PPP2R3C: variants seen among roughly 807,000 people sequenced by gnomAD.
The protein encoded by PPP2R3C is serine/threonine-protein phosphatase 2A regulatory subunit B'' subunit gamma.
In PPP2R3C, 47 loss-of-function variants were observed where a neutral mutation model predicts 63.7. That is an observed-to-expected ratio of 0.74 (90% CI 0.58 to 0.94). The LOEUF (loss-of-function observed/expected upper bound fraction) is 0.94, where lower values mean the gene tolerates loss of function less well. Ranked by LOEUF, PPP2R3C falls within the 40% of genes least tolerant of loss-of-function variation. The pLI is 0.00. For missense variants in PPP2R3C, 421 were observed against 518.4 expected, an observed-to-expected ratio of 0.81 and a Z score of 1.82; for synonymous variants, 180 against 177.4, an observed-to-expected ratio of 1.01 and a Z score of -0.12.
At chr14:35,118,778 T>C (rs1308181546) in intron 1 of PPP2R3C, among the ~76,000 whole-genome samples, 1 of 150,238 alleles carries the variant, frequency 6.7e-6, no homozygotes, top group Non-Finnish European at 1.5e-5. Context: ...CTCAGCCTCC[T>C]GAGTAGCTGG....
chr14:35,103,466 T>C (rs2046257984), intron 6 of PPP2R3C, among the ~76,000 whole-genome samples: 2 of 152,326 alleles, frequency 1.3e-5, no homozygotes, highest in African/African-American at 4.8e-5. Context: ...ATCCCAGTCA[T>C]ATTCCTGCCT....
chr14:35,120,163 G>A (rs547641329), intron 1 of PPP2R3C, among the ~76,000 whole-genome samples: 4 of 150,856 alleles, frequency 2.7e-5, no homozygotes, highest in African/African-American at 7.3e-5. Flanking sequence ...TAACAGTGAA[G>A]CCAGAGTGTA....
chr14:35,099,095 C>T, intron 7 of PPP2R3C, 157 bp downstream of exon 7: 1 of 971,364 alleles, frequency 1.0e-6, no homozygotes. Flanking sequence ...AGTACTGCTA[C>T]TGTTTTTTCT....
At chr14:35,113,495 G>A (rs918346814) in intron 2 of PPP2R3C, among the ~76,000 whole-genome samples, 3 of 152,118 alleles carry the variant, frequency 2.0e-5, no homozygotes, top group Non-Finnish European at 4.4e-5. Context: ...CTGGGCTCAG[G>A]AACGGGGTCA....
At chr14:35,098,336 C>T (rs2046068324) in intron 7 of PPP2R3C, among the ~76,000 whole-genome samples, 2 of 144,226 alleles carry the variant, frequency 1.4e-5, no homozygotes, top group African/African-American at 5.0e-5. Context: ...TGTGTCACTA[C>T]GCCTGGCTAG....
intron 6 of PPP2R3C, among the ~76,000 whole-genome samples, chr14:35,103,962 G>T (rs2046271675): frequency 6.6e-6 from 1 of 152,152 alleles, no homozygotes; most frequent in South Asian, 2.1e-4. Context: ...GAGAGAAGGG[G>T]AAAATTATTC....
intron 12 of PPP2R3C, 57 bp from the exon 13 acceptor site, chr14:35,085,835 A>G: frequency 7.1e-7 from 1 of 1,406,994 alleles, no homozygotes; most frequent in Non-Finnish European, 9.7e-7. Flanking sequence ...TATCACACAT[A>G]GTGATCCAAA....
rs1555360937 is a variant in PPP2R3C, at chr14:35,095,689, A to AC, written c.839-506_839-505insG. ...CCGTCTCTACTAAAAAAAAAAACAA[A>AC]AAAAAAAAACATTAGCCGGGTGTGG... On this transcript the variant is annotated intron_variant, in intron 9 of 12. Transcript: ENST00000261475. Among the ~76,000 whole-genome samples the AC allele has an allele frequency of 2.5e-3, 371 of 150,986 alleles. 2 individuals are homozygous for AC. Among genetic ancestry groups the AC allele is most frequent in the African/African-American group, 8.6e-3 (354 of 41,278 alleles).
intron 1 of PPP2R3C, among the ~76,000 whole-genome samples, chr14:35,118,157 G>T (rs1000649962): frequency 2.0e-5 from 3 of 152,172 alleles, no homozygotes; most frequent in African/African-American, 7.2e-5. Context: ...TGACAAGCAG[G>T]AATTCGAGAC....
At chr14:35,111,062 C>T (rs949894876) in intron 2 of PPP2R3C, among the ~76,000 whole-genome samples, 3 of 151,880 alleles carry the variant, frequency 2.0e-5, no homozygotes, top group Admixed American at 1.3e-4. Context: ...CTGTGCAACC[C>T]CGTCTCTACT....
At chr14:35,118,273 G>A (rs1402535188) in intron 1 of PPP2R3C, among the ~76,000 whole-genome samples, 1 of 152,076 alleles carries the variant, frequency 6.6e-6, no homozygotes, top group Non-Finnish European at 1.5e-5. Flanking sequence ...GTTTAAGATG[G>A]GAGAAATACC....
In PPP2R3C at chr14:35,095,101, T is replaced by C. The variant is rs1201675501; in HGVS notation, c.922A>G (p.Asn308Asp). The C allele has an allele frequency of 1.9e-6, 3 of 1,608,456 alleles. No individual in the cohort carries two copies. The change falls in exon 10 of 13, where the codon AAT (asparagine) becomes GAT (aspartate). Residue 308 changes from asparagine (N) to aspartate (D), a missense_variant. This residue lies in a region of PPP2R3C where 231 missense variants were observed against 264.8 expected (regional missense o/e 0.87). Coordinates refer to ENST00000261475, the MANE Select transcript of PPP2R3C (RefSeq NM_017917.4). ...LSRYGTATMT[N>D]VFLDRVFQEC... ...TGGAAAACACGGTCTAAGAAGACATTGGTCATGGTAGCTGTTCCATAGCGT... is the reference window on the plus strand; with the variant it reads ...TGGAAAACACGGTCTAAGAAGACATCGGTCATGGTAGCTGTTCCATAGCGT...
At chr14:35,093,224 A>G (rs1157080940) in intron 10 of PPP2R3C, among the ~76,000 whole-genome samples, 1 of 152,062 alleles carries the variant, frequency 6.6e-6, no homozygotes, top group Non-Finnish European at 1.5e-5. Context: ...AACAAAAACA[A>G]AAACAACAAA....
intron 1 of PPP2R3C, chr14:35,117,051 A>T (rs1294984089): frequency 2.2e-6 from 1 of 455,868 alleles, no homozygotes; most frequent in Admixed American, 2.4e-5. Flanking sequence ...TCATTCAATG[A>T]AAAGAATTTA....
Position 35,091,188 on chromosome 14 carries a change from T to G in PPP2R3C, c.995A>C (p.Asp332Ala). ...DGEMDYKTYL[D>A]FVLALENRKE... Reference sequence around the variant, plus strand: ...TCTGTTTTCTAATGCAAGGACAAAGTCCAAGTAGGTCTTATAGTCCTACAG... The same window carrying G: ...TCTGTTTTCTAATGCAAGGACAAAGGCCAAGTAGGTCTTATAGTCCTACAG... The change falls in exon 11 of 13, where the codon GAC becomes GCC. Residue 332 changes from aspartate to alanine, a missense_variant. Transcript: ENST00000261475. The G allele has an allele frequency of 3.7e-6, 6 of 1,610,686 alleles. No individual in the cohort carries two copies. The highest frequency in any genetic ancestry group is 5.1e-6 in the Non-Finnish European group (6 of 1,178,848).
intron 2 of PPP2R3C, among the ~76,000 whole-genome samples, chr14:35,115,771 G>T (rs570285417): frequency 3.3e-5 from 5 of 151,898 alleles, no homozygotes; most frequent in African/African-American, 1.2e-4. Context: ...ACCGGCGCGC[G>T]CCACCACGCC....
At chr14:35,121,076 G>T (rs745873629) in intron 1 of PPP2R3C, among the ~76,000 whole-genome samples, 3 of 152,064 alleles carry the variant, frequency 2.0e-5, no homozygotes, top group South Asian at 2.1e-4. Context: ...TAGTGGACTT[G>T]TATTAAAAGT....
At position 35,108,792 on chromosome 14, in the gene PPP2R3C, T is replaced by C. The variant is rs148718928; in HGVS notation, c.405-556A>G. On this transcript the variant is annotated intron_variant, in intron 4 of 12. Transcript: ENST00000261475. ...TCAAAAAAAAAGATAAATATATATA[T>C]ATAAACAGAGATTTGCTCTGTTGCC... Among the ~76,000 whole-genome samples, 82 of 151,932 alleles carry C rather than the reference T, an allele frequency of 5.4e-4. No homozygotes were observed. In the East Asian group the frequency reaches 0.015, roughly 28 times the overall value.
upstream of PPP2R3C, chr14:35,122,085 GA>G: frequency 2.1e-6 from 2 of 959,658 alleles, no homozygotes; most frequent in Non-Finnish European, 3.2e-6. Flanking sequence ...CATCTTGATC[GA>G]GGGCGGAAGT....
Sources: gnomAD v4.1 joint callset for allele counts (sites outside exome capture counted in the v4.1 genomes callset) on GRCh38, gnomAD v4.1.1 for gene constraint, gnomAD v4.1.1 regional missense constraint, MANE v1.5 for transcripts, NCBI Gene and HGNC (gene_info 2026-07-23, HGNC 2026-07-21) for gene names.